Variants in LDLRAD4 observed in about 807,000 individuals in gnomAD.
The protein encoded by LDLRAD4 is low-density lipoprotein receptor class A domain-containing protein 4.
Under a neutral mutation model 17.0 loss-of-function variants are expected in LDLRAD4, and 5 were observed. The ratio of observed to expected loss-of-function variants is 0.29; its 90% CI spans 0.15 to 0.62. The LOEUF is 0.62. Ranked by LOEUF, LDLRAD4 falls within the 20% of genes least tolerant of loss-of-function variation. The pLI is 0.84. For missense variants in LDLRAD4, 340 were observed against 424.7 expected (o/e 0.80, Z 1.75); for synonymous variants, 168 against 171.8 (o/e 0.98, Z 0.17).
chr18:13,325,957 CG>C (rs2081513269), intron 1 of LDLRAD4, among the ~76,000 whole-genome samples: 1 of 151,780 alleles, frequency 6.6e-6, no homozygotes, highest in African/African-American at 2.4e-5. Flanking sequence ...TTAGTAGAGA[CG>C]GGGTTTCACT....
chr18:13,505,212 A>C (rs890414696), intron 3 of LDLRAD4, among the ~76,000 whole-genome samples: 3 of 152,208 alleles, frequency 2.0e-5, no homozygotes, highest in African/African-American at 7.2e-5. Flanking sequence ...AGAGAAAAGG[A>C]GATCTTCAGG....
chr18:13,288,555 A>C (rs2045766954), intron 1 of LDLRAD4, among the ~76,000 whole-genome samples: 1 of 152,216 alleles, frequency 6.6e-6, no homozygotes, highest in Admixed American at 6.5e-5. Context: ...CAATATAGTG[A>C]CTATGAAAGA....
At chr18:13,480,009 CTT>C (rs2093044570) in intron 3 of LDLRAD4, among the ~76,000 whole-genome samples, 1 of 152,228 alleles carries the variant, frequency 6.6e-6, no homozygotes, top group Admixed American at 6.5e-5. Context: ...TTGACGGTGT[CTT>C]TCAAAACTCA....
intron 3 of LDLRAD4, among the ~76,000 whole-genome samples, chr18:13,538,276 A>G (rs568017308): frequency 1.3e-4 from 20 of 152,174 alleles, no homozygotes; most frequent in African/African-American, 4.8e-4. Context: ...AATTGATTTT[A>G]TGTCTTCTTT....
chr18:13,443,696 G>A (rs1006566039), intron 3 of LDLRAD4, among the ~76,000 whole-genome samples: 14 of 149,746 alleles, frequency 9.3e-5, no homozygotes, highest in East Asian at 6.0e-4. Flanking sequence ...TCTTCCTGTC[G>A]TCGTCGTCGT....
intron 1 of LDLRAD4, among the ~76,000 whole-genome samples, chr18:13,319,752 T>C (rs1345091363): frequency 6.6e-6 from 1 of 152,188 alleles, no homozygotes; most frequent in Non-Finnish European, 1.5e-5. Context: ...TCTATATTTA[T>C]GGCAAAAACC....
At chr18:13,261,363 C>T (rs952193490) in intron 1 of LDLRAD4, among the ~76,000 whole-genome samples, 2 of 152,226 alleles carry the variant, frequency 1.3e-5, no homozygotes, top group African/African-American at 4.8e-5. Flanking sequence ...TCCTGGTGAA[C>T]AGTTTTCAGA....
chr18:13,227,871 C>T (rs1036359770), intron 1 of LDLRAD4, among the ~76,000 whole-genome samples: 29 of 152,214 alleles, frequency 1.9e-4, no homozygotes, highest in African/African-American at 6.8e-4. Flanking sequence ...ATGGGGATTA[C>T]AATTTGGATT....
At chr18:13,412,797 G>A (rs976489333) in intron 2 of LDLRAD4, among the ~76,000 whole-genome samples, 9 of 152,326 alleles carry the variant, frequency 5.9e-5, no homozygotes, top group Middle Eastern at 3.4e-3. Context: ...TAGGCGCTCC[G>A]TAAGTGAACG....
intron 1 of LDLRAD4, among the ~76,000 whole-genome samples, chr18:13,386,806 C>T (rs536383374): frequency 6.6e-6 from 1 of 152,244 alleles, no homozygotes; most frequent in African/African-American, 2.4e-5. Flanking sequence ...AATCCTAGCA[C>T]TTTGGGAGGC....
At chr18:13,294,659 C>T (rs563274637) in intron 1 of LDLRAD4, among the ~76,000 whole-genome samples, 1 of 152,088 alleles carries the variant, frequency 6.6e-6, no homozygotes, top group African/African-American at 2.4e-5. Flanking sequence ...GGGTGGCCTG[C>T]GCTCGGGGAC....
intron 3 of LDLRAD4, among the ~76,000 whole-genome samples, chr18:13,594,766 C>T (rs2095074552): frequency 6.7e-6 from 1 of 149,478 alleles, no homozygotes; most frequent in South Asian, 2.1e-4. Context: ...GGGAAGTGTT[C>T]TCTTCTCCAA....
At chr18:13,639,910 A>G (rs2042381244) in intron 4 of LDLRAD4, among the ~76,000 whole-genome samples, 1 of 152,244 alleles carries the variant, frequency 6.6e-6, no homozygotes, top group Non-Finnish European at 1.5e-5. Flanking sequence ...TGTGAAGAAG[A>G]GAATACACAA....
At chr18:13,548,349 A>G (rs1306539236) in intron 3 of LDLRAD4, among the ~76,000 whole-genome samples, 1 of 152,140 alleles carries the variant, frequency 6.6e-6, no homozygotes, top group Non-Finnish European at 1.5e-5. Flanking sequence ...GCTGCTGTTC[A>G]TGGCATTCAT....
chr18:13,392,451 G>T (rs1158582001), intron 2 of LDLRAD4, among the ~76,000 whole-genome samples: 1 of 152,246 alleles, frequency 6.6e-6, no homozygotes, highest in Non-Finnish European at 1.5e-5. Flanking sequence ...ACTTGGGAAA[G>T]ATAAGACTCT....
intron 1 of LDLRAD4, among the ~76,000 whole-genome samples, chr18:13,309,045 T>A (rs2047077011): frequency 6.6e-6 from 1 of 152,216 alleles, no homozygotes; most frequent in Non-Finnish European, 1.5e-5. Flanking sequence ...TCTTACTACA[T>A]TTTTCCATTG....
At chr18:13,417,725 C>T (rs1434895327) in intron 2 of LDLRAD4, among the ~76,000 whole-genome samples, 6 of 152,196 alleles carry the variant, frequency 3.9e-5, no homozygotes, top group Admixed American at 3.3e-4. Flanking sequence ...TGAGCCACCA[C>T]GCCCAGCCAG....
At chr18:13,541,837 A>G (rs1204567881) in intron 3 of LDLRAD4, among the ~76,000 whole-genome samples, 1 of 147,484 alleles carries the variant, frequency 6.8e-6, no homozygotes, top group Non-Finnish European at 1.5e-5. Flanking sequence ...AGGATAGCTT[A>G]AAGCCAGGAG....
At chr18:13,388,401 C>T (rs2085990774) in intron 2 of LDLRAD4, among the ~76,000 whole-genome samples, 1 of 152,208 alleles carries the variant, frequency 6.6e-6, no homozygotes, top group African/African-American at 2.4e-5. Context: ...CAGGAAGCCA[C>T]TTAATCCTCT....
Sources: allele counts gnomAD v4.1 joint callset (sites outside exome capture counted in the v4.1 genomes callset), GRCh38; gene constraint gnomAD v4.1.1; transcripts MANE v1.5; gene names NCBI Gene and HGNC (gene_info 2026-07-23, HGNC 2026-07-21).